FUT6: variants seen among roughly 807,000 people sequenced by gnomAD.
FUT6 encodes fucosyltransferase 6, also known as 4-galactosyl-N-acetylglucosaminide 3-alpha-L-fucosyltransferase FUT6.
For missense variants in FUT6, 454 were observed against 494.6 expected (o/e 0.92, Z 0.78); for synonymous variants, 187 against 209.9 (o/e 0.89, Z 0.94).
Position 5,832,794 on chromosome 19 carries a change from G to A in FUT6, c.-12-215C>T. On this transcript the variant is annotated intron_variant, in intron 2 of 2. Transcript: ENST00000318336. The surrounding 1 kb of genome is among the most constrained non-coding windows in gnomAD (Gnocchi z 4.3). ...CTTCCTCCCACCCATTAGACAACAG[G>A]CCCTTTCTACATGGGCAAGGGTCCC... 1 of 583,622 alleles carries A rather than the reference G, an allele frequency of 1.7e-6. No homozygotes were observed. The highest frequency in any genetic ancestry group is 2.1e-5 in the South Asian group (1 of 48,482). 36.2% of individuals were successfully genotyped at this position (583,622 alleles called of 1,614,324 possible). A position where few individuals can be genotyped will look rare whatever the true frequency, so the allele number is the denominator to read the frequency against.
chr19:5,835,509 C>A (rs1396936435), intron 1 of FUT6, among the ~76,000 whole-genome samples: 1 of 152,134 alleles, frequency 6.6e-6, no homozygotes, highest in Non-Finnish European at 1.5e-5. Flanking sequence ...ATGGGCCGGG[C>A]TTGGTGGCTC....
Position 5,832,302 on chromosome 19 carries a change from T to C in FUT6, c.266A>G (p.Asp89Gly). Residue 89 changes from aspartate (D) to glycine (G), a missense_variant, in exon 3 of 3, where the codon GAC (aspartate) becomes GGC (glycine). Transcript: ENST00000318336. This position sits in a 1 kb window ranked among gnomAD's most constrained non-coding sequence, Gnocchi z 4.3. ...CTTGCGGTCGGCAGTGATGTTGCAGTCAGCCGTGCCAGGCACCATCTCTGA... is the reference window on the plus strand; with the variant it reads ...CTTGCGGTCGGCAGTGATGTTGCAGCCAGCCGTGCCAGGCACCATCTCTGA... ...RCSEMVPGTA[D>G]CNITADRKVY... The C allele has an allele frequency of 6.2e-7, 1 of 1,613,976 alleles. No individual in the cohort carries two copies.
Position 5,832,158 on chromosome 19 carries a change from T to G in FUT6, c.410A>C (p.Glu137Ala). Residue 137 changes from glutamate (E) to alanine (A), a missense_variant, in exon 3 of 3, where the codon GAG becomes GCG. Transcript: ENST00000318336. This position sits in a 1 kb window ranked among gnomAD's most constrained non-coding sequence, Gnocchi z 4.3. ...QGQRWIWFSM[E>A]SPSHCWQLKA... ...CAGCTGCCAGCAGTGGCTTGGGGAC[T>G]CCATGCTGAACCAGATCCATCGCTG... 1 of 1,613,808 alleles carries G rather than the reference T, an allele frequency of 6.2e-7. No individual in the cohort carries two copies. The highest frequency in any genetic ancestry group is 8.5e-7 in the Non-Finnish European group (1 of 1,180,018).
chr19:5,835,152 GA>G (rs2057162630), intron 1 of FUT6, 75 bp from the exon 2 acceptor site: 1 of 152,196 alleles, frequency 6.6e-6, no homozygotes, highest in Non-Finnish European at 1.5e-5. Flanking sequence ...CCTCAGCTTT[GA>G]AGGTCTGAAG....
In FUT6 at chr19:5,832,267, G is replaced by T. The variant is rs1476084384; in HGVS notation, c.301C>A (p.Gln101Lys). ...TGGTGCACGATGACCGCGTCTGCCT[G>T]TGGATACACCTTGCGGTCGGCAGTG... ...NITADRKVYP[Q>K]ADAVIVHHRE... Residue 101 changes from glutamine to lysine, a missense_variant, in exon 3 of 3, where the codon CAG becomes AAG. By Grantham distance (53) the Gln-to-Lys change is moderately conservative. Coordinates refer to ENST00000318336, the MANE Select transcript of FUT6 (RefSeq NM_000150.4). The surrounding 1 kb of genome is among the most constrained non-coding windows in gnomAD (Gnocchi z 4.3). 6.2e-7 allele frequency: 1 copy of T among 1,613,902 alleles called. No homozygotes were observed. The highest frequency in any genetic ancestry group is 1.3e-5 in the African/African-American group (1 of 74,910).
chr19:5,832,683 ACAGATG>A lies in FUT6; in HGVS notation c.-12-110_-12-105del. On this transcript the variant is annotated intron_variant, in intron 2 of 2. Coordinates refer to ENST00000318336, the MANE Select transcript of FUT6 (RefSeq NM_000150.4). The surrounding 1 kb of genome is among the most constrained non-coding windows in gnomAD (Gnocchi z 4.3). ...GAAGAGCTGTTATTATTCCTGTTAC[ACAGATG>A]AGAAAACTGAGACCAAGTGACTCAC... 8 of 856,740 alleles carry A rather than the reference ACAGATG, an allele frequency of 9.3e-6. No homozygotes were observed. Among genetic ancestry groups the A allele is most frequent in the Non-Finnish European group, 1.5e-5 (8 of 530,432 alleles). 53.1% of individuals were successfully genotyped at this position (856,740 alleles called of 1,614,324 possible). A position where few individuals can be genotyped will look rare whatever the true frequency, so the allele number is the denominator to read the frequency against.
chr19:5,839,415 G>C lies in FUT6; in HGVS notation c.-879C>G, dbSNP rs143110842. On this transcript the variant is annotated 5_prime_UTR_variant, in exon 1 of 3. Coordinates refer to ENST00000318336, the MANE Select transcript of FUT6 (RefSeq NM_000150.4). Reference sequence around the variant, plus strand: ...CAGGCTGGGTCTTCACCACTGGAGAGGAGGCAGAGCTGTTGCAGAGGCTGG... The same window carrying C: ...CAGGCTGGGTCTTCACCACTGGAGACGAGGCAGAGCTGTTGCAGAGGCTGG... 515 of 152,560 alleles carry C rather than the reference G, an allele frequency of 3.4e-3. 4 individuals are homozygous for C. The highest frequency in any genetic ancestry group is 0.027 in the Middle Eastern group (8 of 294). 9.5% of individuals were successfully genotyped at this position (152,560 alleles called of 1,614,324 possible).
chr19:5,833,496 A>G (rs2057137122), intron 2 of FUT6, among the ~76,000 whole-genome samples: 2 of 150,620 alleles, frequency 1.3e-5, no homozygotes, highest in South Asian at 4.2e-4. Flanking sequence ...AAAAAAAAAA[A>G]AAAAGAAATA....
chr19:5,830,961 T>C lies in FUT6; in HGVS notation c.*527A>G. Reference sequence around the variant, plus strand: ...GGAAACGGTGCGGTGATTATCTCTCTGCACCCCTCACAGGCGGCTAACAAC... The same window carrying C: ...GGAAACGGTGCGGTGATTATCTCTCCGCACCCCTCACAGGCGGCTAACAAC... On this transcript the variant is annotated 3_prime_UTR_variant, in exon 3 of 3. Transcript: ENST00000318336. The C allele has an allele frequency of 2.7e-6, 1 of 364,074 alleles. No homozygotes were observed. Among genetic ancestry groups the C allele is most frequent in the East Asian group, 6.5e-5 (1 of 15,322 alleles). 22.6% of individuals were successfully genotyped at this position (364,074 alleles called of 1,614,324 possible).
chr19:5,833,920 T>C (rs2057143564), intron 2 of FUT6, among the ~76,000 whole-genome samples: 1 of 151,294 alleles, frequency 6.6e-6, no homozygotes, highest in African/African-American at 2.4e-5. Context: ...TAACTTGAGG[T>C]CAAGAGTTTG....
In FUT6 at chr19:5,832,640, C is replaced by G; in HGVS notation, c.-12-61G>C. On this transcript the variant is annotated intron_variant, in intron 2 of 2. Coordinates refer to ENST00000318336, the MANE Select transcript of FUT6 (RefSeq NM_000150.4). The surrounding 1 kb of genome is among the most constrained non-coding windows in gnomAD (Gnocchi z 4.3). Reference sequence around the variant, plus strand: ...TGACAATCTCCTGCTTACCAAAGCTCCAGGCCATGAGTCCTGAGAAGAGCT... The same window carrying G: ...TGACAATCTCCTGCTTACCAAAGCTGCAGGCCATGAGTCCTGAGAAGAGCT... The G allele has an allele frequency of 7.8e-7, 1 of 1,284,704 alleles. No individual in the cohort carries two copies. The highest frequency in any genetic ancestry group is 1.1e-6 in the Non-Finnish European group (1 of 883,958). 79.6% of individuals were successfully genotyped at this position (1,284,704 alleles called of 1,614,324 possible). A position where few individuals can be genotyped will look rare whatever the true frequency, so the allele number is the denominator to read the frequency against.
intron 1 of FUT6, among the ~76,000 whole-genome samples, chr19:5,837,630 G>T (rs2057197970): frequency 6.6e-6 from 1 of 151,998 alleles, no homozygotes; most frequent in African/African-American, 2.4e-5. Flanking sequence ...GCCAGGCGCG[G>T]TGGCGGGCAC....
In FUT6 at chr19:5,832,940, C is replaced by T. The variant is rs1018531590; in HGVS notation, c.-12-361G>A. ...AGACACAGCCGATCATAAATGCCCC[C>T]CAGTGCCCCTGAGTCGAGGCTTGAA... is the stretch of plus-strand genomic sequence containing the variant. On this transcript the variant is annotated intron_variant, in intron 2 of 2. Transcript: ENST00000318336. The surrounding 1 kb of genome is among the most constrained non-coding windows in gnomAD (Gnocchi z 4.3). The T allele has an allele frequency of 7.0e-6, 2 of 285,296 alleles. No homozygotes were observed. The highest frequency in any genetic ancestry group is 1.3e-5 in the Non-Finnish European group (2 of 149,370). 17.7% of individuals were successfully genotyped at this position (285,296 alleles called of 1,614,324 possible).
At chr19:5,837,540 G>A (rs911519712) in intron 1 of FUT6, among the ~76,000 whole-genome samples, 5 of 151,662 alleles carry the variant, frequency 3.3e-5, no homozygotes, top group African/African-American at 4.8e-5. Flanking sequence ...GGAGGCGGGC[G>A]AATCACCTGA....
In FUT6 at chr19:5,839,524, CAT is replaced by C. The variant is rs2057223677; in HGVS notation, c.-990_-989del. The stretch of plus-strand genomic sequence containing the variant: ...AAGCAGAGGGGTTACCATGTCGATA[CAT>C]GTTTTCAGATGCTCTCTTCTGGTAG... On this transcript the variant is annotated 5_prime_UTR_variant, in exon 1 of 3. The change abolishes an upstream ATG in the 5' untranslated region. Transcript: ENST00000318336. The C allele has an allele frequency of 6.6e-6, 1 of 152,230 alleles. No homozygotes were observed. The highest frequency in any genetic ancestry group is 2.4e-5 in the African/African-American group (1 of 41,420). 9.4% of individuals were successfully genotyped at this position (152,230 alleles called of 1,614,324 possible).
chr19:5,832,396 C>G lies in FUT6; in HGVS notation c.172G>C (p.Ala58Pro). The G allele has an allele frequency of 6.2e-7, 1 of 1,613,858 alleles. No homozygotes were observed. The highest frequency in any genetic ancestry group is 8.5e-7 in the Non-Finnish European group (1 of 1,179,974). ...AGCAGGATCAGGGGGATGGAGTGGG[C>G]GGGGGTCCCTGTGCTGTCTGGGAAG... ...SRFPDSTGTP[A>P]HSIPLILLWT... The change falls in exon 3 of 3, where the codon GCC becomes CCC. Residue 58 changes from alanine (A) to proline (P), a missense_variant. Coordinates refer to ENST00000318336, the MANE Select transcript of FUT6 (RefSeq NM_000150.4). This position sits in a 1 kb window ranked among gnomAD's most constrained non-coding sequence, Gnocchi z 4.3.
chr19:5,832,334 G>A lies in FUT6; in HGVS notation c.234C>T (p.Pro78=). The part of the protein sequence containing the change: ...TWPFNKPIAL[P]RCSEMVPGTA... ...TGCCAGGCACCATCTCTGAGCAGCGGGGCAGAGCTATGGGTTTGTTAAAAG... is the reference window on the plus strand; with the variant it reads ...TGCCAGGCACCATCTCTGAGCAGCGAGGCAGAGCTATGGGTTTGTTAAAAG... Residue 78 remains proline, a synonymous_variant, in exon 3 of 3, where the codon CCC becomes CCT. Transcript: ENST00000318336. This position sits in a 1 kb window ranked among gnomAD's most constrained non-coding sequence, Gnocchi z 4.3. The A allele has an allele frequency of 6.2e-7, 1 of 1,614,060 alleles. No homozygotes were observed. The highest frequency in any genetic ancestry group is 1.3e-5 in the African/African-American group (1 of 75,022).
chr19:5,832,154 G>A lies in FUT6; in HGVS notation c.414C>T (p.Ser138=). ...GQRWIWFSME[S]PSHCWQLKAM... is the part of the protein sequence containing the mutation. The stretch of plus-strand genomic sequence containing the variant: ...CTTTCAGCTGCCAGCAGTGGCTTGG[G>A]GACTCCATGCTGAACCAGATCCATC... The change falls in exon 3 of 3, where the codon TCC becomes TCT. Residue 138 remains serine, a synonymous_variant. Transcript: ENST00000318336. This position sits in a 1 kb window ranked among gnomAD's most constrained non-coding sequence, Gnocchi z 4.3. The A allele has an allele frequency of 6.2e-7, 1 of 1,613,860 alleles. No homozygotes were observed. Among genetic ancestry groups the A allele is most frequent in the Non-Finnish European group, 8.5e-7 (1 of 1,180,032 alleles).
Position 5,831,940 on chromosome 19 carries a change from G to A in FUT6, c.628C>T (p.Gln210Ter). ...GPNSARVRYY[Q>*]SLQAHLKVDV... The stretch of plus-strand genomic sequence containing the variant: ...ACCTTGAGATGGGCCTGCAGGCTCT[G>A]GTAGTAGCGCACCCTGGCGGAGTTT... Residue 210 changes from glutamine to a stop codon, truncating the protein, a stop_gained, in exon 3 of 3, where the codon CAG becomes TAG. Coordinates refer to ENST00000318336, the MANE Select transcript of FUT6 (RefSeq NM_000150.4). LOFTEE classifies it low-confidence loss of function (END_TRUNC). The surrounding 1 kb of genome is among the most constrained non-coding windows in gnomAD (Gnocchi z 7.0). 6.2e-7 allele frequency: 1 copy of A among 1,614,000 alleles called. No homozygotes were observed. The highest frequency in any genetic ancestry group is 2.2e-5 in the East Asian group (1 of 44,882).
Sources: gnomAD v4.1 joint callset for allele counts (sites outside exome capture counted in the v4.1 genomes callset) on GRCh38, gnomAD v4.1.1 for gene constraint, Gnocchi (gnomAD v3.1) non-coding constraint, MANE v1.5 for transcripts, NCBI Gene and HGNC (gene_info 2026-07-23, HGNC 2026-07-21) for gene names.